Variants in ZNF831 observed in about 807,000 individuals in gnomAD.
ZNF831 encodes zinc finger protein 831, also known as chromosome 20 open reading frame 174.
In ZNF831, 59 loss-of-function variants were observed where a neutral mutation model predicts 95.8. That is an observed-to-expected ratio of 0.62 (90% CI 0.50 to 0.77). ZNF831 has a LOEUF of 0.77. ZNF831 is among the 30% of genes least tolerant of loss of function. ZNF831 has a pLI of 0.00. For missense variants in ZNF831, 2,205 were observed against 2,164.0 expected (o/e 1.02, Z -0.38); for synonymous variants, 961 against 925.5 (o/e 1.04, Z -0.70).
At position 59,211,055 on chromosome 20, in the gene ZNF831, A is replaced by ACAAAAC. The variant is rs1298640891; in HGVS notation, c.4027+3999_4027+4000insCAAAAC. On this transcript the variant is annotated intron_variant, in intron 4 of 5. Coordinates refer to ENST00000371030, the MANE Select transcript of ZNF831 (RefSeq NM_178457.3). ...ACTCCGTCTCAAAAAAAAAGAAAAA[A>ACAAAAC]AAAAAAAAAACAAATCCAAGGAGAA... is the stretch of plus-strand genomic sequence containing the variant. Among the ~76,000 whole-genome samples the ACAAAAC allele has an allele frequency of 1.1e-4, 9 of 78,782 alleles. 2 individuals are homozygous for ACAAAAC. The highest frequency in any genetic ancestry group is 6.6e-4 in the African/African-American group (9 of 13,646). The allele number at this position is 78,782 out of a possible 152,430, so 51.7% of individuals were successfully genotyped here. A position where few individuals can be genotyped will look rare whatever the true frequency, so the allele number is the denominator to read the frequency against.
chr20:59,199,541 G>A (rs1601387475), intron 3 of ZNF831, among the ~76,000 whole-genome samples: 1 of 152,012 alleles, frequency 6.6e-6, no homozygotes, highest in African/African-American at 2.4e-5. Flanking sequence ...AGATCTCATC[G>A]TGTCAGGACA....
At chr20:59,189,431 A>T (rs260009) in intron 1 of ZNF831, among the ~76,000 whole-genome samples, 1 of 152,122 alleles carries the variant, frequency 6.6e-6, no homozygotes, top group Admixed American at 6.5e-5. Flanking sequence ...AAATTTAACA[A>T]TCAGCTCTCT....
At chr20:59,155,805 G>T (rs964874955) in intron 2 of ZNF831, among the ~76,000 whole-genome samples, 1 of 152,192 alleles carries the variant, frequency 6.6e-6, no homozygotes. Flanking sequence ...GACCCTGAGT[G>T]AAAGGAACAA....
intron 4 of ZNF831, among the ~76,000 whole-genome samples, chr20:59,218,614 A>G (rs1361469850): frequency 6.7e-6 from 1 of 149,490 alleles, no homozygotes; most frequent in African/African-American, 2.5e-5. Context: ...TTTTATATAT[A>G]TAACTGAGTC....
rs1414649304 is a variant in ZNF831, at chr20:59,191,221, C to G, written c.202C>G (p.Pro68Ala). Reference protein sequence around the residue: ...LPIPLYHTVPPGGLQPRAPLV... With the variant: ...LPIPLYHTVPAGGLQPRAPLV... ...CATCCCACTGTACCACACGGTGCCT[C>G]CCGGGGGCCTCCAGCCCCGCGCCCC... The change falls in exon 2 of 6, where the codon CCC (proline) becomes GCC (alanine). Residue 68 changes from proline (P) to alanine (A), a missense_variant. Transcript: ENST00000371030. 1.3e-6 allele frequency: 2 copies of G among 1,557,670 alleles called. No individual in the cohort carries two copies. Among genetic ancestry groups the G allele is most frequent in the South Asian group, 1.2e-5 (1 of 83,308 alleles).
At chr20:59,241,312 AT>A (rs1210015221) in intron 4 of ZNF831, among the ~76,000 whole-genome samples, 3 of 146,770 alleles carry the variant, frequency 2.0e-5, no homozygotes, top group African/African-American at 5.0e-5. Context: ...GGCCCCCTCT[AT>A]TTTTTTTTAA....
At chr20:59,197,271 G>C (rs1392328226) in intron 3 of ZNF831, among the ~76,000 whole-genome samples, 1 of 152,168 alleles carries the variant, frequency 6.6e-6, no homozygotes, top group Non-Finnish European at 1.5e-5. Context: ...GGCACTTGCT[G>C]TGTGCCAGAC....
At chr20:59,226,104 A>C (rs1010899081) in intron 4 of ZNF831, among the ~76,000 whole-genome samples, 25 of 152,188 alleles carry the variant, frequency 1.6e-4, no homozygotes, top group Admixed American at 1.5e-3. Context: ...CGAACCTTCT[A>C]CTTGGCCAGG....
intron 1 of ZNF831, among the ~76,000 whole-genome samples, chr20:59,125,267 C>T (rs1461190217): frequency 2.6e-5 from 4 of 152,222 alleles, no homozygotes; most frequent in African/African-American, 9.7e-5. Flanking sequence ...CCTGGCCTCA[C>T]CCTGCTGTAG....
chr20:59,212,008 A>G (rs1292336059), intron 4 of ZNF831, among the ~76,000 whole-genome samples: 2 of 152,092 alleles, frequency 1.3e-5, no homozygotes, highest in African/African-American at 4.8e-5. Context: ...AAAGGCAGAG[A>G]AAAACTTTAG....
chr20:59,164,616 T>A (rs1262547839), intron 1 of ZNF831, among the ~76,000 whole-genome samples: 2 of 152,198 alleles, frequency 1.3e-5, no homozygotes, highest in Non-Finnish European at 2.9e-5. Context: ...TTAGGCCAAG[T>A]TTTTTATTTG....
In ZNF831 at chr20:59,193,157, C is replaced by A. The variant is rs751185889; in HGVS notation, c.2138C>A (p.Thr713Lys). The A allele has an allele frequency of 1.3e-6, 2 of 1,574,794 alleles. No individual in the cohort carries two copies. The highest frequency in any genetic ancestry group is 1.9e-5 in the Admixed American group (1 of 53,650). ...LVTEPTKHGE[T>K]VARRGDSDRP... ...ACTGAACCCACTAAGCATGGGGAGA[C>A]GGTGGCCAGGAGAGGAGACAGTGAC... is the stretch of plus-strand genomic sequence containing the variant. The change falls in exon 2 of 6, where the codon ACG (threonine) becomes AAG (lysine). Residue 713 changes from threonine to lysine, a missense_variant. Coordinates refer to ENST00000371030, the MANE Select transcript of ZNF831 (RefSeq NM_178457.3).
intron 4 of ZNF831, among the ~76,000 whole-genome samples, chr20:59,229,428 A>G (rs1986609468): frequency 6.6e-6 from 1 of 152,196 alleles, no homozygotes; most frequent in East Asian, 1.9e-4. Context: ...GATCTGAGGC[A>G]TGGGAAAATC....
chr20:59,196,050 A>C, intron 3 of ZNF831, 45 bp downstream of exon 3: 2 of 1,602,406 alleles, frequency 1.2e-6, no homozygotes, highest in East Asian at 4.5e-5. Flanking sequence ...AACCCCAAGA[A>C]GAATTTACTA....
rs1050960234 is a variant in ZNF831 at position 59,168,361 on chromosome 20, A to G, written c.-37+4154A>G. On this transcript the variant is annotated intron_variant, in intron 1 of 5. Transcript: ENST00000371030. ...GTTTTTCATTTAATTTTGGTTTTCA[A>G]CCATTCATAGCTAGTATATAGAAAT... Among the ~76,000 whole-genome samples, 8 of 151,802 alleles carry G rather than the reference A, an allele frequency of 5.3e-5. No individual in the cohort carries two copies. The East Asian group carries it at 1.5e-3, about 29-fold the overall frequency.
chr20:59,172,393 C>G (rs1981819234), intron 1 of ZNF831, among the ~76,000 whole-genome samples: 2 of 152,184 alleles, frequency 1.3e-5, no homozygotes, highest in African/African-American at 2.4e-5. Context: ...GAGCCTGTCT[C>G]AATAGTGGTG....
chr20:59,219,618 C>T (rs1010908026), intron 4 of ZNF831, among the ~76,000 whole-genome samples: 143 of 152,212 alleles, frequency 9.4e-4, no homozygotes, highest in African/African-American at 3.3e-3. Flanking sequence ...CTCCATTCGG[C>T]CCCCCACTGC....
intron 4 of ZNF831, among the ~76,000 whole-genome samples, chr20:59,212,517 G>A (rs1985411792): frequency 6.6e-6 from 1 of 152,210 alleles, no homozygotes; most frequent in Admixed American, 6.5e-5. Flanking sequence ...ACCCCAGGCT[G>A]AGTGTGACTA....
rs182792559 is a variant in ZNF831, at chr20:59,223,206, G to A, written c.4027+16150G>A. The stretch of plus-strand genomic sequence containing the variant: ...GAGATGGGGGTGAAAGAAGAAAAAG[G>A]ACAAAACGAGGTGCCGAAGGCTCTA... On this transcript the variant is annotated intron_variant, in intron 4 of 5. Transcript: ENST00000371030. 2.9e-3 allele frequency among the ~76,000 whole-genome samples: 435 copies of A among 152,194 alleles called. 11 individuals carry two copies. The highest frequency in any genetic ancestry group is 0.026 in the Admixed American group (391 of 15,302).
Sources: allele counts gnomAD v4.1 joint callset (sites outside exome capture counted in the v4.1 genomes callset), GRCh38; gene constraint gnomAD v4.1.1; transcripts MANE v1.5; gene names NCBI Gene and HGNC (gene_info 2026-07-23, HGNC 2026-07-21).